EPHA5: variants seen among roughly 807,000 people sequenced by gnomAD.
The protein encoded by EPHA5 is EPH receptor A5.
In EPHA5, 60 loss-of-function variants were observed where a neutral mutation model predicts 105.0. The observed-to-expected ratio is 0.57, with a 90% CI of 0.46 to 0.71. EPHA5 has a LOEUF of 0.71. Ranked by LOEUF, EPHA5 falls within the 30% of genes least tolerant of loss-of-function variation. EPHA5 has a pLI of 0.00. For synonymous variants in EPHA5, 513 were observed against 449.1 expected (o/e 1.14, Z -1.80); for missense variants, 1,218 against 1,274.7 (o/e 0.96, Z 0.68).
chr4:65,524,220 A>T (rs976978658), intron 3 of EPHA5, among the ~76,000 whole-genome samples: 6 of 151,948 alleles, frequency 3.9e-5, no homozygotes, highest in Non-Finnish European at 5.9e-5. Flanking sequence ...TTTAAAAGGT[A>T]TACTGTTTCA....
chr4:65,465,048 T>C (rs896007748), intron 5 of EPHA5, among the ~76,000 whole-genome samples: 3 of 151,976 alleles, frequency 2.0e-5, no homozygotes, highest in Non-Finnish European at 2.9e-5. Context: ...TTCCAGAAAA[T>C]TGAAATTTCC....
intron 8 of EPHA5, among the ~76,000 whole-genome samples, chr4:65,385,934 T>C (rs1231478198): frequency 6.6e-6 from 1 of 151,860 alleles, no homozygotes; most frequent in African/African-American, 2.4e-5. Flanking sequence ...GACAAAATAA[T>C]ACCCGTGTAG....
chr4:65,540,801 A>G (rs908663748), intron 3 of EPHA5, among the ~76,000 whole-genome samples: 4 of 149,924 alleles, frequency 2.7e-5, no homozygotes, highest in Non-Finnish European at 4.5e-5. Context: ...CCTCTCTTTA[A>G]TGGTATGAGT....
intron 11 of EPHA5, among the ~76,000 whole-genome samples, chr4:65,363,300 G>T (rs534880816): frequency 6.6e-6 from 1 of 151,580 alleles, no homozygotes; most frequent in Admixed American, 6.6e-5. Flanking sequence ...TCACAATAAT[G>T]CTATAAGGTA....
chr4:65,457,922 AAGTT>A (rs1328892482), intron 5 of EPHA5, among the ~76,000 whole-genome samples: 2 of 152,000 alleles, frequency 1.3e-5, no homozygotes, highest in African/African-American at 2.4e-5. Context: ...AAAATTCAAA[AAGTT>A]AGCCGGACTT....
At chr4:65,574,920 C>A (rs77078412) in intron 3 of EPHA5, among the ~76,000 whole-genome samples, 6,416 of 151,360 alleles carry the variant, frequency 0.042, 184 homozygotes, top group Non-Finnish European at 0.064. Context: ...AGCTAGAGAA[C>A]CTATGATACA....
At chr4:65,516,415 G>A (rs1011686221) in intron 3 of EPHA5, among the ~76,000 whole-genome samples, 2 of 143,152 alleles carry the variant, frequency 1.4e-5, no homozygotes, top group Non-Finnish European at 3.1e-5. Context: ...AGGCTGAGAA[G>A]GATGAAGAGG....
At chr4:65,516,674 C>T (rs1275279836) in intron 3 of EPHA5, among the ~76,000 whole-genome samples, 1 of 151,996 alleles carries the variant, frequency 6.6e-6, no homozygotes, top group African/African-American at 2.4e-5. Context: ...TTTGGTTATT[C>T]TTTTGCATAT....
chr4:65,598,836 A>G (rs989898543), intron 3 of EPHA5, among the ~76,000 whole-genome samples: 8 of 152,246 alleles, frequency 5.3e-5, no homozygotes, highest in Admixed American at 4.6e-4. Flanking sequence ...TGGCTAGTGC[A>G]TAGGGAAGGG....
chr4:65,399,701 A>T (rs1050189444), intron 8 of EPHA5, among the ~76,000 whole-genome samples: 7 of 152,252 alleles, frequency 4.6e-5, no homozygotes, highest in African/African-American at 1.7e-4. Context: ...TGCAATGTCT[A>T]TGTTTTTACT....
chr4:65,397,836 T>G (rs532689081), intron 8 of EPHA5, among the ~76,000 whole-genome samples: 1 of 152,116 alleles, frequency 6.6e-6, no homozygotes, highest in African/African-American at 2.4e-5. Flanking sequence ...CCCTATCATA[T>G]GAAGCAGTTA....
intron 6 of EPHA5, among the ~76,000 whole-genome samples, chr4:65,415,168 A>T (rs1471775447): frequency 6.6e-6 from 1 of 152,118 alleles, no homozygotes; most frequent in Non-Finnish European, 1.5e-5. Context: ...AACCATCCAT[A>T]GCTCCTTATT....
chr4:65,564,940 C>T (rs370368337), intron 3 of EPHA5, among the ~76,000 whole-genome samples: 1 of 151,678 alleles, frequency 6.6e-6, no homozygotes, highest in Non-Finnish European at 1.5e-5. Context: ...TAATTTTACA[C>T]AATTGCATCC....
At chr4:65,354,396 C>A (rs1282944442) in intron 11 of EPHA5, among the ~76,000 whole-genome samples, 2 of 151,544 alleles carry the variant, frequency 1.3e-5, no homozygotes. Flanking sequence ...ATCTAGAAAA[C>A]AGTTGCTAGT....
rs1034507472 is a variant in EPHA5, at chr4:65,587,715, G to A, written c.910+13926C>T. 7.2e-5 allele frequency among the ~76,000 whole-genome samples: 11 copies of A among 152,162 alleles called. No homozygotes were observed. In the East Asian group the frequency reaches 1.5e-3, roughly 21 times the overall value. On this transcript the variant is annotated intron_variant, in intron 3 of 16. Coordinates refer to ENST00000613740, the MANE Select transcript of EPHA5 (RefSeq NM_001281766.3). ...GCTTCAGAATCCCAGACATTCTTAC[G>A]CATTCTTTGCTTTGCTCACTCAGTC... is the stretch of plus-strand genomic sequence containing the variant.
intron 1 of EPHA5, among the ~76,000 whole-genome samples, chr4:65,644,460 C>T (rs1190985024): frequency 1.3e-5 from 2 of 151,976 alleles, no homozygotes; most frequent in South Asian, 4.2e-4. Flanking sequence ...GTGAGTTATT[C>T]CTATGTAGAG....
At chr4:65,614,102 T>C (rs1745017217) in intron 2 of EPHA5, among the ~76,000 whole-genome samples, 1 of 152,002 alleles carries the variant, frequency 6.6e-6, no homozygotes, top group African/African-American at 2.4e-5. Context: ...TTCACATTTA[T>C]TATTCCTACT....
At position 65,490,599 on chromosome 4, in the gene EPHA5, C is replaced by T. The variant is rs965251708; in HGVS notation, c.1180G>A (p.Ala394Thr). Residue 394 changes from alanine (A) to threonine (T), a missense_variant, in exon 5 of 17, where the codon GCA becomes ACA. By Grantham distance (58) the Ala-to-Thr change is moderately conservative. Coordinates refer to ENST00000613740, the MANE Select transcript of EPHA5 (RefSeq NM_001281766.3). ...GCATGGGAGTTGCACTTCTTGCATGCAATATAATATGACACGTCTTTCCTT... is the reference window on the plus strand; with the variant it reads ...GCATGGGAGTTGCACTTCTTGCATGTAATATAATATGACACGTCTTTCCTT... ...GGRKDVSYYI[A>T]CKKCNSHAGV... 2.5e-6 allele frequency: 4 copies of T among 1,614,108 alleles called. No individual in the cohort carries two copies. Among genetic ancestry groups the T allele is most frequent in the Admixed American group, 1.7e-5 (1 of 60,012 alleles).
rs191238929 is a variant in EPHA5 at position 65,653,253 on chromosome 4, C to T, written c.182-9826G>A. Among the ~76,000 whole-genome samples, 20 of 152,098 alleles carry T rather than the reference C, an allele frequency of 1.3e-4. No homozygotes were observed. The East Asian group carries it at 3.1e-3, about 23-fold the overall frequency. On this transcript the variant is annotated intron_variant, in intron 1 of 16. Coordinates refer to ENST00000613740, the MANE Select transcript of EPHA5 (RefSeq NM_001281766.3). ...CAAAAATAAACAAACAACTTGATGACCTAGTACTCCTGATGTAAAAGGAGA... is the reference window on the plus strand; with the variant it reads ...CAAAAATAAACAAACAACTTGATGATCTAGTACTCCTGATGTAAAAGGAGA...
Sources: gnomAD v4.1 joint callset for allele counts (sites outside exome capture counted in the v4.1 genomes callset) on GRCh38, gnomAD v4.1.1 for gene constraint, MANE v1.5 for transcripts, NCBI Gene and HGNC (gene_info 2026-07-23, HGNC 2026-07-21) for gene names.